Variants in FLRT2 observed in about 807,000 individuals in gnomAD.
FLRT2 encodes fibronectin leucine rich transmembrane protein 2, also known as leucine-rich repeat transmembrane protein FLRT2.
A neutral mutation model predicts 40.0 loss-of-function variants in FLRT2; 15 were observed. The observed-to-expected ratio is 0.38, with a 90% CI of 0.25 to 0.58. The LOEUF (loss-of-function observed/expected upper bound fraction) is 0.58, where lower values mean the gene tolerates loss of function less well. FLRT2 is among the 20% of genes least tolerant of loss of function. The pLI, the probability that FLRT2 is intolerant of heterozygous loss-of-function variation, is 0.71. For synonymous variants in FLRT2, 380 were observed against 336.8 expected (o/e 1.13, Z -1.41); for missense variants, 726 against 840.0 (o/e 0.86, Z 1.68).
chr14:85,616,386 C>A (rs1336463779), intron 1 of FLRT2, among the ~76,000 whole-genome samples: 3 of 151,406 alleles, frequency 2.0e-5, no homozygotes, highest in Non-Finnish European at 1.5e-5. Flanking sequence ...CTATTTTTAT[C>A]ACCAACATTT....
chr14:85,588,503 T>C (rs956669376), intron 1 of FLRT2, among the ~76,000 whole-genome samples: 4 of 151,462 alleles, frequency 2.6e-5, no homozygotes, highest in African/African-American at 4.9e-5. Flanking sequence ...ACATAGTAGG[T>C]GTATATATTT....
chr14:85,619,533 TAAC>T (rs1444115996), intron 1 of FLRT2, among the ~76,000 whole-genome samples: 5 of 152,226 alleles, frequency 3.3e-5, no homozygotes, highest in Admixed American at 1.3e-4. Flanking sequence ...TGAGATGGCT[TAAC>T]AATCTTTTAA....
chr14:85,631,168 G>C lies in FLRT2; in HGVS notation c.*7671G>C, dbSNP rs1240074723. 4 of 112,242 alleles carry C rather than the reference G, an allele frequency of 3.6e-5. No homozygotes were observed. Among genetic ancestry groups the C allele is most frequent in the African/African-American group, 1.6e-4 (4 of 25,062 alleles). The allele number at this position is 112,242 out of a possible 1,614,324, so 7.0% of individuals were successfully genotyped here. Reference sequence around the variant, plus strand: ...AAAATGCTTTCAGTTTATCTTCCTGGGATCTCAAGTTCCTTCAAACCACTA... The same window carrying C: ...AAAATGCTTTCAGTTTATCTTCCTGCGATCTCAAGTTCCTTCAAACCACTA... On this transcript the variant is annotated 3_prime_UTR_variant, in exon 2 of 2. Coordinates refer to ENST00000330753, the MANE Select transcript of FLRT2 (RefSeq NM_013231.6).
chr14:85,604,709 G>A (rs1024939553), intron 1 of FLRT2, among the ~76,000 whole-genome samples: 4 of 152,244 alleles, frequency 2.6e-5, no homozygotes, highest in Non-Finnish European at 4.4e-5. Context: ...ACTAATGGTA[G>A]AGGGAATAAA....
chr14:85,599,750 TTTATCAG>T (rs1350367488), intron 1 of FLRT2, among the ~76,000 whole-genome samples: 1 of 152,144 alleles, frequency 6.6e-6, no homozygotes, highest in Non-Finnish European at 1.5e-5. Flanking sequence ...CTTTCTTCCC[TTTATCAG>T]TTGATTAACA....
intron 1 of FLRT2, among the ~76,000 whole-genome samples, chr14:85,547,637 T>C (rs1372246295): frequency 6.6e-6 from 1 of 152,182 alleles, no homozygotes. Context: ...GTCTTTATTT[T>C]CTGAGGGTAA....
At chr14:85,609,607 A>T (rs1595082162) in intron 1 of FLRT2, among the ~76,000 whole-genome samples, 1 of 152,330 alleles carries the variant, frequency 6.6e-6, no homozygotes, top group South Asian at 2.1e-4. Flanking sequence ...AAGACAAAGT[A>T]ACTCCGTTAG....
intron 1 of FLRT2, among the ~76,000 whole-genome samples, chr14:85,555,503 A>T (rs1889891225): frequency 6.6e-6 from 1 of 152,108 alleles, no homozygotes. Flanking sequence ...ATCAGATCTC[A>T]TGAGACTTAC....
intron 1 of FLRT2, among the ~76,000 whole-genome samples, chr14:85,573,388 A>G (rs1890986905): frequency 6.6e-6 from 1 of 152,148 alleles, no homozygotes; most frequent in Non-Finnish European, 1.5e-5. Context: ...GGTCAGTGCA[A>G]TTAGATTTTT....
intron 1 of FLRT2, among the ~76,000 whole-genome samples, chr14:85,548,618 C>T (rs541558883): frequency 3.9e-5 from 6 of 152,186 alleles, no homozygotes; most frequent in Non-Finnish European, 7.3e-5. Flanking sequence ...CTGGAATCTT[C>T]GAAGACATCT....
chr14:85,564,733 T>TATGTA (rs926043887), intron 1 of FLRT2, among the ~76,000 whole-genome samples: 5 of 152,188 alleles, frequency 3.3e-5, no homozygotes, highest in Admixed American at 2.6e-4. Context: ...AAACAAACTG[T>TATGTA]ATGTAATGTA....
At position 85,635,450 on chromosome 14, in the gene FLRT2, CTTTA is replaced by C. The variant is rs1025196297; in HGVS notation, c.*11958_*11961del. On this transcript the variant is annotated 3_prime_UTR_variant, in exon 2 of 2. Coordinates refer to ENST00000330753, the MANE Select transcript of FLRT2 (RefSeq NM_013231.6). ...TACTAAGTAGACTATTAATAAAACA[CTTTA>C]TTTAAGTCAAAATTATCAAAGATAG... 6.6e-6 allele frequency: 1 copy of C among 151,942 alleles called. No individual in the cohort carries two copies. The highest frequency in any genetic ancestry group is 1.9e-4 in the East Asian group (1 of 5,188). 9.4% of individuals were successfully genotyped at this position (151,942 alleles called of 1,614,324 possible).
intron 1 of FLRT2, among the ~76,000 whole-genome samples, chr14:85,540,432 T>C (rs1888918043): frequency 6.6e-6 from 1 of 152,202 alleles, no homozygotes; most frequent in African/African-American, 2.4e-5. Flanking sequence ...CTGAGACTCT[T>C]AATTTTAAAG....
chr14:85,570,471 C>T (rs891664483), intron 1 of FLRT2, among the ~76,000 whole-genome samples: 3 of 151,980 alleles, frequency 2.0e-5, no homozygotes, highest in Non-Finnish European at 2.9e-5. Flanking sequence ...TCAGTTTGTA[C>T]AGTTAATGAA....
chr14:85,597,582 GT>G, intron 1 of FLRT2, among the ~76,000 whole-genome samples: 1 of 152,272 alleles, frequency 6.6e-6, no homozygotes, highest in Non-Finnish European at 1.5e-5. Context: ...TTAAGATGGA[GT>G]TTTGCTCTTG....
rs1894053677 is a variant in FLRT2 at position 85,638,109 on chromosome 14, A to G, written c.*14612A>G. 1 of 152,216 alleles carries G rather than the reference A, an allele frequency of 6.6e-6. No homozygotes were observed. The highest frequency in any genetic ancestry group is 2.4e-5 in the African/African-American group (1 of 41,444). 9.4% of individuals were successfully genotyped at this position (152,216 alleles called of 1,614,324 possible). On this transcript the variant is annotated 3_prime_UTR_variant, in exon 2 of 2. Transcript: ENST00000330753. ...TTCTAAATGTAACAATTACCGGTAG[A>G]GAATGGGATAAAGGACAACTGAGTG...
intron 1 of FLRT2, among the ~76,000 whole-genome samples, chr14:85,586,699 C>G (rs969373685): frequency 3.3e-5 from 3 of 90,680 alleles, no homozygotes; most frequent in Admixed American, 1.1e-4. Flanking sequence ...TATGTACACA[C>G]ACACACACAC....
rs1038342667 is a variant in FLRT2 at position 85,649,285 on chromosome 14, T to A, written c.*25788T>A. Reference sequence around the variant, plus strand: ...ATCACTTGACTCAAATTTTGATGATTTAATAGCTCATTGAAAGAACTAGCC... The same window carrying A: ...ATCACTTGACTCAAATTTTGATGATATAATAGCTCATTGAAAGAACTAGCC... On this transcript the variant is annotated 3_prime_UTR_variant, in exon 2 of 2. Transcript: ENST00000330753. The A allele has an allele frequency of 6.6e-6, 1 of 152,164 alleles. No homozygotes were observed. The highest frequency in any genetic ancestry group is 2.4e-5 in the African/African-American group (1 of 41,458). The allele number at this position is 152,164 out of a possible 1,614,324, so 9.4% of individuals were successfully genotyped here. A position where few individuals can be genotyped will look rare whatever the true frequency, so the allele number is the denominator to read the frequency against.
intron 1 of FLRT2, among the ~76,000 whole-genome samples, chr14:85,614,127 TC>T: frequency 6.6e-6 from 1 of 152,296 alleles, no homozygotes; most frequent in African/African-American, 2.4e-5. Context: ...ACTATTATTT[TC>T]TCCATTTTAT....
Sources: allele counts gnomAD v4.1 joint callset (sites outside exome capture counted in the v4.1 genomes callset), GRCh38; gene constraint gnomAD v4.1.1; transcripts MANE v1.5; gene names NCBI Gene and HGNC (gene_info 2026-07-23, HGNC 2026-07-21).